NGEF: variants seen among roughly 807,000 people sequenced by gnomAD.
The protein encoded by NGEF is neuronal guanine nucleotide exchange factor, also known as ephexin-1.
NGEF carries 31 observed loss-of-function variants against 80.9 expected under a neutral mutation model. That is an observed-to-expected ratio of 0.38 (90% CI 0.29 to 0.52). NGEF has a LOEUF of 0.52. Among genes scored for constraint, NGEF ranks in the 20% least tolerant of loss-of-function variants. NGEF has a pLI of 0.84. For synonymous variants in NGEF, 371 were observed against 370.2 expected, an observed-to-expected ratio of 1.00 and a Z score of -0.03; for missense variants, 709 against 926.2, an observed-to-expected ratio of 0.77 and a Z score of 3.04.
At chr2:232,925,861 G>A (rs529040254) in intron 4 of NGEF, among the ~76,000 whole-genome samples, 1 of 152,238 alleles carries the variant, frequency 6.6e-6, no homozygotes, top group South Asian at 2.1e-4. Flanking sequence ...AGCAAACAAA[G>A]GGAAAAGCCA....
Position 232,970,256 on chromosome 2 carries a change from C to T in NGEF, c.341G>A (p.Cys114Tyr), listed in dbSNP as rs1366846850. The change falls in exon 3 of 15, where the codon TGC (cysteine) becomes TAC (tyrosine). Residue 114 changes from cysteine (C) to tyrosine (Y), a missense_variant. Physicochemically the swap from Cys to Tyr is radical, Grantham distance 194. This residue lies in a region of NGEF where 283 missense variants were observed against 303.4 expected (regional missense o/e 0.93). Coordinates refer to ENST00000264051, the MANE Select transcript of NGEF (RefSeq NM_019850.3). ...TGGGTCTGTCTGCATTGCTGTTCTG[C>T]AAGGAGGCATTCTGCTCCAGGGGAT... ...LNIPWSRMPP[C>Y]RTAMQTDPGA... is the part of the protein sequence containing the mutation. The T allele has an allele frequency of 4.4e-6, 7 of 1,605,694 alleles. No homozygotes were observed. In the South Asian group the frequency reaches 7.8e-5, roughly 18 times the overall value.
At chr2:232,917,903 A>G (rs1247092187) in intron 5 of NGEF, among the ~76,000 whole-genome samples, 1 of 152,126 alleles carries the variant, frequency 6.6e-6, no homozygotes, top group Non-Finnish European at 1.5e-5. Context: ...CCTCCTGAAT[A>G]GCTGGGACTA....
chr2:232,911,439 G>C (rs1692689220), intron 5 of NGEF, among the ~76,000 whole-genome samples: 1 of 152,158 alleles, frequency 6.6e-6, no homozygotes, highest in African/African-American at 2.4e-5. Flanking sequence ...AAATCAGATA[G>C]TATGACTCCT....
intron 3 of NGEF, among the ~76,000 whole-genome samples, chr2:232,941,429 A>T (rs1693435198): frequency 6.6e-6 from 1 of 152,242 alleles, no homozygotes; most frequent in African/African-American, 2.4e-5. Context: ...TCTTTGTTTA[A>T]GCTATAAACT....
intron 5 of NGEF, among the ~76,000 whole-genome samples, chr2:232,911,225 T>A (rs1044557550): frequency 6.6e-6 from 1 of 152,216 alleles, no homozygotes; most frequent in African/African-American, 2.4e-5. Flanking sequence ...ATATATCCAA[T>A]GGTTCCAGCA....
intron 5 of NGEF, among the ~76,000 whole-genome samples, chr2:232,902,936 G>A (rs1692395835): frequency 6.6e-6 from 1 of 152,236 alleles, no homozygotes; most frequent in Non-Finnish European, 1.5e-5. Context: ...GGAGGTTGCA[G>A]TGAGCTGAGA....
chr2:232,963,548 T>G (rs1190426712), intron 3 of NGEF, among the ~76,000 whole-genome samples: 2 of 152,030 alleles, frequency 1.3e-5, no homozygotes, highest in Non-Finnish European at 2.9e-5. Context: ...GCACAGTGGC[T>G]CATGTCTGTA....
chr2:232,994,937 TAC>T (rs1559239128), intron 1 of NGEF, among the ~76,000 whole-genome samples: 1 of 84,794 alleles, frequency 1.2e-5, no homozygotes, highest in Non-Finnish European at 2.2e-5. Context: ...CATGGATATA[TAC>T]ACACATATAA....
rs958690413 is a variant in NGEF at position 232,973,702 on chromosome 2, C to T, written c.268+921G>A. Among the ~76,000 whole-genome samples, 5 of 152,148 alleles carry T rather than the reference C, an allele frequency of 3.3e-5. No individual in the cohort carries two copies. The South Asian group carries it at 1.0e-3, about 32-fold the overall frequency. ...TGAGGCTGTCCTCCACCTTCCAAAC[C>T]CAGAAGAGCCACCAGCTGACTGCAG... On this transcript the variant is annotated intron_variant, in intron 2 of 14. Transcript: ENST00000264051.
intron 5 of NGEF, among the ~76,000 whole-genome samples, chr2:232,910,393 T>C (rs914160680): frequency 6.0e-5 from 9 of 150,158 alleles, no homozygotes; most frequent in African/African-American, 2.2e-4. Context: ...CAGCTGTAAA[T>C]ATAGATCAAG....
At chr2:233,001,590 C>T (rs79943674) in intron 1 of NGEF, among the ~76,000 whole-genome samples, 12,964 of 152,174 alleles carry the variant, frequency 0.085, 673 homozygotes, top group Middle Eastern at 0.17. Flanking sequence ...GTGATGAGGT[C>T]GTGCGGGCCA....
intron 5 of NGEF, among the ~76,000 whole-genome samples, chr2:232,899,734 A>G (rs1692223541): frequency 6.9e-6 from 1 of 144,230 alleles, no homozygotes; most frequent in African/African-American, 2.6e-5. Context: ...ATACACGTTC[A>G]CTCACATTCA....
chr2:232,906,236 G>C (rs1224807210), intron 5 of NGEF, among the ~76,000 whole-genome samples: 2 of 85,870 alleles, frequency 2.3e-5, no homozygotes, highest in Admixed American at 1.1e-4. Flanking sequence ...TCAGCCCCCC[G>C]CCCGGCCAGC....
At chr2:232,891,248 G>T in intron 8 of NGEF, 110 bp downstream of exon 8, 1 of 1,395,500 alleles carries the variant, frequency 7.2e-7, no homozygotes. Flanking sequence ...CATGGGAGGA[G>T]CTTAGTATCT....
At chr2:232,903,307 T>G (rs1159547932) in intron 5 of NGEF, among the ~76,000 whole-genome samples, 3 of 152,182 alleles carry the variant, frequency 2.0e-5, no homozygotes, top group Admixed American at 2.0e-4. Context: ...CAGGGACAGG[T>G]TAAATACATT....
chr2:232,881,262 G>A lies in NGEF; in HGVS notation c.1838-12C>T. On this transcript the variant is annotated splice_polypyrimidine_tract_variant and intron_variant, in intron 13 of 14. Coordinates refer to ENST00000264051, the MANE Select transcript of NGEF (RefSeq NM_019850.3). Reference sequence around the variant, plus strand: ...GACCTGGGGGCAGTCTGAGGGACAAGAGGCACGGGCACATCCCCACCACCG... The same window carrying A: ...GACCTGGGGGCAGTCTGAGGGACAAAAGGCACGGGCACATCCCCACCACCG... 1 of 1,601,472 alleles carries A rather than the reference G, an allele frequency of 6.2e-7. No individual in the cohort carries two copies. The highest frequency in any genetic ancestry group is 8.5e-7 in the Non-Finnish European group (1 of 1,177,506).
intron 5 of NGEF, among the ~76,000 whole-genome samples, chr2:232,915,859 T>G (rs1186668583): frequency 1.3e-5 from 2 of 152,028 alleles, no homozygotes; most frequent in Non-Finnish European, 2.9e-5. Context: ...CCCAGCTAAT[T>G]TTTGTATTTT....
At chr2:232,964,179 C>T (rs752712311) in intron 3 of NGEF, among the ~76,000 whole-genome samples, 14 of 152,084 alleles carry the variant, frequency 9.2e-5, no homozygotes, top group Admixed American at 5.2e-4. Flanking sequence ...AAATTATTTG[C>T]CTGTTTTTAA....
chr2:232,945,491 A>G (rs1434558594), intron 3 of NGEF, among the ~76,000 whole-genome samples: 1 of 152,154 alleles, frequency 6.6e-6, no homozygotes, highest in African/African-American at 2.4e-5. Context: ...ACACAGACAC[A>G]GACACAGACA....
Sources: allele counts gnomAD v4.1 joint callset (sites outside exome capture counted in the v4.1 genomes callset), GRCh38; gene constraint gnomAD v4.1.1; regional missense constraint gnomAD v4.1.1; transcripts MANE v1.5; gene names NCBI Gene and HGNC (gene_info 2026-07-23, HGNC 2026-07-21).